The following DIP2C variants were observed in gnomAD, a reference collection of about 807,000 sequenced individuals.
The protein encoded by DIP2C is DIP2 acetate--CoA ligase C (putative).
DIP2C carries 33 observed loss-of-function variants against 192.4 expected under a neutral mutation model. That is an observed-to-expected ratio of 0.17 (90% CI 0.13 to 0.23). The LOEUF is 0.23. Among genes scored for constraint, DIP2C ranks in the 10% least tolerant of loss-of-function variants. The pLI is 1.00. For missense variants in DIP2C, 1,537 were observed against 2,110.1 expected (o/e 0.73, Z 5.32); for synonymous variants, 979 against 864.1 (o/e 1.13, Z -2.33).
intron 8 of DIP2C, among the ~76,000 whole-genome samples, chr10:412,306 C>T (rs1233263111): frequency 6.6e-6 from 1 of 152,228 alleles, no homozygotes; most frequent in Non-Finnish European, 1.5e-5. Context: ...AACACATGCA[C>T]CCGAACAGTT....
At chr10:359,315 A>T (rs1173497509) in intron 22 of DIP2C, among the ~76,000 whole-genome samples, 1 of 152,218 alleles carries the variant, frequency 6.6e-6, no homozygotes, top group Non-Finnish European at 1.5e-5. Flanking sequence ...AGGCTGCCAG[A>T]AACGATTCCA....
chr10:550,230 G>C (rs7917949), intron 1 of DIP2C, among the ~76,000 whole-genome samples: 1 of 151,868 alleles, frequency 6.6e-6, no homozygotes, highest in Non-Finnish European at 1.5e-5. Context: ...GGCTGGTCTC[G>C]AACTCCTGAC....
At chr10:321,584 GC>G (rs1386392915) in intron 31 of DIP2C, among the ~76,000 whole-genome samples, 3 of 142,668 alleles carry the variant, frequency 2.1e-5, no homozygotes, top group Admixed American at 2.1e-4. Flanking sequence ...GGGGTGCGGG[GC>G]TCCAGCGAGA....
chr10:336,862 G>GGTGT (rs1384363218), intron 29 of DIP2C, among the ~76,000 whole-genome samples: 1 of 147,618 alleles, frequency 6.8e-6, no homozygotes, highest in Non-Finnish European at 1.5e-5. Flanking sequence ...GGCCTAGACT[G>GGTGT]GTGTGTGTGC....
chr10:689,468 C>T lies in DIP2C; in HGVS notation c.85+26G>A, dbSNP rs1293910161. The T allele has an allele frequency of 1.7e-6, 2 of 1,152,426 alleles. No individual in the cohort carries two copies. The highest frequency in any genetic ancestry group is 4.0e-5 in the Admixed American group (1 of 24,970). 71.4% of individuals were successfully genotyped at this position (1,152,426 alleles called of 1,614,324 possible). ...CGGCCCTCCCCGGTGACAGCGCGGC[C>T]CGGCCCGGGGCGGGGGCCCGGTTAC... On this transcript the variant is annotated intron_variant, in intron 1 of 36. Coordinates refer to ENST00000280886, the MANE Select transcript of DIP2C (RefSeq NM_014974.3). The surrounding 1 kb of genome is among the most constrained non-coding windows in gnomAD (Gnocchi z 6.1).
chr10:349,223 A>G, intron 25 of DIP2C, 108 bp downstream of exon 25: 1 of 1,467,150 alleles, frequency 6.8e-7, no homozygotes, highest in Non-Finnish European at 9.1e-7. Context: ...GCAGACTCCC[A>G]GCCATGACGC....
At chr10:524,694 AATTTC>A (rs1373898805) in intron 1 of DIP2C, among the ~76,000 whole-genome samples, 4 of 152,326 alleles carry the variant, frequency 2.6e-5, no homozygotes, top group African/African-American at 9.6e-5. Flanking sequence ...GCACTCTCGC[AATTTC>A]TTATTTCAAA....
At chr10:390,918 G>C (rs1963409331) in intron 10 of DIP2C, 55 bp from the exon 11 acceptor site, 1 of 1,596,634 alleles carries the variant, frequency 6.3e-7, no homozygotes, top group Non-Finnish European at 8.5e-7. Flanking sequence ...ACTCCGCCCA[G>C]CCTTCGGCCC....
chr10:615,826 G>C (rs1225623198), intron 1 of DIP2C, among the ~76,000 whole-genome samples: 1 of 152,112 alleles, frequency 6.6e-6, no homozygotes, highest in Non-Finnish European at 1.5e-5. Context: ...CATTGCGCCT[G>C]TGTCACTTCA....
In DIP2C at chr10:524,278, C is replaced by T. The variant is rs140086735; in HGVS notation, c.86-37748G>A. 9.2e-3 allele frequency among the ~76,000 whole-genome samples: 1,404 copies of T among 152,330 alleles called. 13 individuals are homozygous for T. Among genetic ancestry groups the T allele is most frequent in the Non-Finnish European group, 0.015 (1,024 of 68,032 alleles). On this transcript the variant is annotated intron_variant, in intron 1 of 36. Coordinates refer to ENST00000280886, the MANE Select transcript of DIP2C (RefSeq NM_014974.3). Reference sequence around the variant, plus strand: ...CCCTGCTTCCAAACCCTGGTACAGACTGTGTGAGGCCTGGAACGCGGGAGG... The same window carrying T: ...CCCTGCTTCCAAACCCTGGTACAGATTGTGTGAGGCCTGGAACGCGGGAGG...
At chr10:294,891 A>G (rs1955675163) in intron 32 of DIP2C, among the ~76,000 whole-genome samples, 1 of 152,180 alleles carries the variant, frequency 6.6e-6, no homozygotes, top group South Asian at 2.1e-4. Context: ...AGAATAAAAG[A>G]ATACATTTGC....
intron 1 of DIP2C, among the ~76,000 whole-genome samples, chr10:505,848 C>T (rs1287275194): frequency 5.9e-5 from 9 of 151,922 alleles, no homozygotes; most frequent in South Asian, 2.1e-4. Flanking sequence ...TTCCTCTGGG[C>T]GCACCTGACA....
chr10:560,349 C>T (rs1487638870), intron 1 of DIP2C, among the ~76,000 whole-genome samples: 1 of 151,504 alleles, frequency 6.6e-6, no homozygotes, highest in African/African-American at 2.4e-5. Context: ...ACAAAAGCTG[C>T]ACAACACAAG....
At chr10:534,891 T>A (rs1708539643) in intron 1 of DIP2C, among the ~76,000 whole-genome samples, 1 of 151,658 alleles carries the variant, frequency 6.6e-6, no homozygotes, top group Non-Finnish European at 1.5e-5. Context: ...TTAGCCAGGA[T>A]GGTCTCGATC....
chr10:441,946 CGGG>C, intron 3 of DIP2C, among the ~76,000 whole-genome samples: 1 of 66,778 alleles, frequency 1.5e-5, no homozygotes, highest in Admixed American at 1.7e-4. Context: ...AGGTGACAGA[CGGG>C]GTAGAGAATT....
In DIP2C at chr10:666,569, G is replaced by C. The variant is rs972233724; in HGVS notation, c.85+22925C>G. 4.6e-5 allele frequency: 7 copies of C among 151,038 alleles called. No homozygotes were observed. The highest frequency in any genetic ancestry group is 4.6e-4 in the Admixed American group (7 of 15,242). 9.4% of individuals were successfully genotyped at this position (151,038 alleles called of 1,614,324 possible). A position where few individuals can be genotyped will look rare whatever the true frequency, so the allele number is the denominator to read the frequency against. The stretch of plus-strand genomic sequence containing the variant: ...TGCACACAGGTAACATAGAACTGGG[G>C]GTAAGCAAAGCCACGAGGTCGGCCC... On this transcript the variant is annotated intron_variant, in intron 1 of 36. Coordinates refer to ENST00000280886, the MANE Select transcript of DIP2C (RefSeq NM_014974.3). The surrounding 1 kb of genome is among the most constrained non-coding windows in gnomAD (Gnocchi z 4.1).
At chr10:639,702 C>T (rs1163556508) in intron 1 of DIP2C, among the ~76,000 whole-genome samples, 3 of 152,212 alleles carry the variant, frequency 2.0e-5, no homozygotes, top group African/African-American at 7.2e-5. Context: ...TTAGAGCAGT[C>T]TTTCATGTCC....
At position 399,714 on chromosome 10, in the gene DIP2C, G is replaced by A. The variant is rs184942399; in HGVS notation, c.1150-495C>T. On this transcript the variant is annotated intron_variant, in intron 9 of 36. Coordinates refer to ENST00000280886, the MANE Select transcript of DIP2C (RefSeq NM_014974.3). ...AATGATAGAGCTGATGTCTTAATGC[G>A]GTGGTCAAGGTCAAATGAGAGAATG... Among the ~76,000 whole-genome samples, 31 of 152,304 alleles carry A rather than the reference G, an allele frequency of 2.0e-4. No homozygotes were observed. In the South Asian group the frequency reaches 3.3e-3, roughly 16 times the overall value.
At chr10:672,181 C>T (rs907252759) in intron 1 of DIP2C, among the ~76,000 whole-genome samples, 2 of 150,704 alleles carry the variant, frequency 1.3e-5, no homozygotes, top group African/African-American at 4.9e-5. Context: ...GGAGGAAACA[C>T]CACAGACACA....
Sources: gnomAD v4.1 joint callset for allele counts (sites outside exome capture counted in the v4.1 genomes callset) on GRCh38, gnomAD v4.1.1 for gene constraint, Gnocchi (gnomAD v3.1) non-coding constraint, MANE v1.5 for transcripts, NCBI Gene and HGNC (gene_info 2026-07-23, HGNC 2026-07-21) for gene names.